Variants in MTMR12 observed in about 807,000 individuals in gnomAD.
MTMR12 encodes myotubularin-related protein 12.
MTMR12 carries 33 observed loss-of-function variants against 96.7 expected under a neutral mutation model. The ratio of observed to expected loss-of-function variants is 0.34; its 90% confidence interval spans 0.26 to 0.46. The LOEUF (loss-of-function observed/expected upper bound fraction) is 0.46. Among genes scored for constraint, MTMR12 ranks in the 20% least tolerant of loss-of-function variants. MTMR12 has a pLI of 1.00. For synonymous variants in MTMR12, 298 were observed against 327.2 expected, an observed-to-expected ratio of 0.91 and a Z score of 0.96; for missense variants, 721 against 896.1, an observed-to-expected ratio of 0.80 and a Z score of 2.49.
chr5:32,289,335 C>T (rs1228613100), intron 1 of MTMR12, among the ~76,000 whole-genome samples: 3 of 152,172 alleles, frequency 2.0e-5, no homozygotes, highest in Non-Finnish European at 4.4e-5. Context: ...AATCACGGCC[C>T]CTCAATCAAT....
At chr5:32,277,250 T>C (rs538982447) in intron 1 of MTMR12, among the ~76,000 whole-genome samples, 2 of 152,274 alleles carry the variant, frequency 1.3e-5, no homozygotes, top group African/African-American at 4.8e-5. Flanking sequence ...CTCCAAGTTA[T>C]GGATATTTAA....
chr5:32,273,371 G>A (rs1749916625), intron 3 of MTMR12, among the ~76,000 whole-genome samples: 1 of 152,120 alleles, frequency 6.6e-6, no homozygotes, highest in Non-Finnish European at 1.5e-5. Context: ...GTGAGACTCT[G>A]TCTCAAAAAC....
In MTMR12 at chr5:32,265,524, C is replaced by T. The variant is rs186998246; in HGVS notation, c.584-2282G>A. On this transcript the variant is annotated intron_variant, in intron 6 of 15. Transcript: ENST00000382142. ...AATGTGCACTCAATAAATGTTTATA[C>T]AAATTATAGCAATCAACAAGTCATA... Among the ~76,000 whole-genome samples the T allele has an allele frequency of 2.0e-5, 3 of 152,270 alleles. No individual in the cohort carries two copies. The East Asian group carries it at 5.8e-4, about 29-fold the overall frequency.
At chr5:32,291,244 T>C (rs1581638220) in intron 1 of MTMR12, among the ~76,000 whole-genome samples, 1 of 152,282 alleles carries the variant, frequency 6.6e-6, no homozygotes, top group Non-Finnish European at 1.5e-5. Flanking sequence ...TGGACAGCTG[T>C]AGCACTACAG....
At chr5:32,270,992 G>A (rs1207811578) in intron 4 of MTMR12, 45 bp from the exon 5 acceptor site, 1 of 1,564,692 alleles carries the variant, frequency 6.4e-7, no homozygotes. Context: ...ATGTTACACA[G>A]CAATAAGTGA....
intron 1 of MTMR12, among the ~76,000 whole-genome samples, chr5:32,294,319 T>TA (rs1750844883): frequency 6.6e-6 from 1 of 151,878 alleles, no homozygotes; most frequent in Non-Finnish European, 1.5e-5. Flanking sequence ...TTTTTTTTTT[T>TA]AAAGACAGAG....
At chr5:32,268,625 G>C (rs1749701746) in intron 6 of MTMR12, 76 bp downstream of exon 6, 2 of 1,241,806 alleles carry the variant, frequency 1.6e-6, no homozygotes, top group Admixed American at 3.4e-5. Context: ...CCATAGATGT[G>C]TTCTCCCCCA....
chr5:32,278,289 T>C, intron 1 of MTMR12, among the ~76,000 whole-genome samples: 1 of 152,166 alleles, frequency 6.6e-6, no homozygotes, highest in East Asian at 1.9e-4. Context: ...CAGAGAAACA[T>C]GTCAAATAAT....
chr5:32,281,558 A>C (rs1383816626), intron 1 of MTMR12, among the ~76,000 whole-genome samples: 1 of 152,212 alleles, frequency 6.6e-6, no homozygotes, highest in Non-Finnish European at 1.5e-5. Context: ...AATAGAAAGC[A>C]CTTTGAACCC....
chr5:32,268,237 G>A (rs189398392), intron 6 of MTMR12, among the ~76,000 whole-genome samples: 7 of 152,254 alleles, frequency 4.6e-5, no homozygotes. Flanking sequence ...GCCTGGCCCA[G>A]TGGCTCACAC....
chr5:32,243,416 T>TA (rs1384664668), intron 11 of MTMR12, 105 bp downstream of exon 11: 2 of 766,288 alleles, frequency 2.6e-6, no homozygotes, highest in Non-Finnish European at 4.3e-6. Flanking sequence ...GATCTAAGAA[T>TA]ATTTAACTGT....
At chr5:32,284,287 C>T (rs1272240435) in intron 1 of MTMR12, among the ~76,000 whole-genome samples, 1 of 136,660 alleles carries the variant, frequency 7.3e-6, no homozygotes, top group Non-Finnish European at 1.5e-5. Context: ...CACTGTACTC[C>T]AGCCTGGGTG....
chr5:32,247,131 C>T (rs1253055518), intron 10 of MTMR12, among the ~76,000 whole-genome samples: 2 of 152,154 alleles, frequency 1.3e-5, no homozygotes, highest in Admixed American at 1.3e-4. Context: ...GGGAGGATTG[C>T]TTGAGCCCCG....
rs775502012 is a variant in MTMR12 at position 32,229,990 on chromosome 5, T to C, written c.2032A>G (p.Ile678Val). 1.2e-6 allele frequency: 2 copies of C among 1,612,404 alleles called. No homozygotes were observed. Among genetic ancestry groups the C allele is most frequent in the East Asian group, 2.2e-5 (1 of 44,800 alleles). The change falls in exon 16 of 16, where the codon ATC (isoleucine) becomes GTC (valine). Residue 678 changes from isoleucine (I) to valine (V), a missense_variant. By Grantham distance (29) the Ile-to-Val change is conservative. Transcript: ENST00000382142. The part of the protein sequence containing the change: ...MEEVQSLQEK[I>V]DERHHSQQAP... ...TGCTGGCTGTGGTGTCTCTCGTCGA[T>C]CTTCTCTTGTAAACTCTGGACTTCC...
intron 1 of MTMR12, among the ~76,000 whole-genome samples, chr5:32,289,677 AG>A (rs1281193550): frequency 1.3e-5 from 2 of 152,192 alleles, no homozygotes. Context: ...CAGTGGGTCC[AG>A]TGGGCCCCCA....
In MTMR12 at chr5:32,257,979, G is replaced by A. The variant is rs537076593; in HGVS notation, c.714-2211C>T. On this transcript the variant is annotated intron_variant, in intron 7 of 15. Coordinates refer to ENST00000382142, the MANE Select transcript of MTMR12 (RefSeq NM_001040446.3). ...GTAGTCATATAAAATATAAAAAATT[G>A]AGCCGAGCATAGTGGCGGGCACCTA... Among the ~76,000 whole-genome samples the A allele has an allele frequency of 2.0e-5, 3 of 151,854 alleles. No individual in the cohort carries two copies. In the South Asian group the frequency reaches 6.3e-4, roughly 32 times the overall value.
rs145260557 is a variant in MTMR12, at chr5:32,233,780, C to A, written c.1667G>T (p.Arg556Leu). Residue 556 changes from arginine to leucine, a missense_variant, in exon 15 of 16, where the codon CGC (arginine) becomes CTC (leucine). Transcript: ENST00000382142. The surrounding 1 kb of genome is among the most constrained non-coding windows in gnomAD (Gnocchi z 5.0). Reference sequence around the variant, plus strand: ...GACATGTGGACATCTTACTTTGAAGCGCATTCCTTTCCGTTGGCCTTTGTC... The same window carrying A: ...GACATGTGGACATCTTACTTTGAAGAGCATTCCTTTCCGTTGGCCTTTGTC... ...KLDKGQRKGM[R>L]FKHQRQLSLP... is the part of the protein sequence containing the mutation. 1.9e-6 allele frequency: 3 copies of A among 1,614,190 alleles called. No homozygotes were observed. Among genetic ancestry groups the A allele is most frequent in the Admixed American group, 1.7e-5 (1 of 60,014 alleles).
At chr5:32,240,224 C>T (rs1348091179) in intron 12 of MTMR12, among the ~76,000 whole-genome samples, 1 of 151,978 alleles carries the variant, frequency 6.6e-6, no homozygotes, top group Non-Finnish European at 1.5e-5. Context: ...CATGGTGAAA[C>T]CCCGTCTCTA....
chr5:32,260,586 C>T (rs1749326211), intron 7 of MTMR12, among the ~76,000 whole-genome samples: 1 of 151,526 alleles, frequency 6.6e-6, no homozygotes. Flanking sequence ...TGAGCAAGAG[C>T]TAGCTTTATC....
Sources: gnomAD v4.1 joint callset for allele counts (sites outside exome capture counted in the v4.1 genomes callset) on GRCh38, gnomAD v4.1.1 for gene constraint, Gnocchi (gnomAD v3.1) non-coding constraint, MANE v1.5 for transcripts, NCBI Gene and HGNC (gene_info 2026-07-23, HGNC 2026-07-21) for gene names.